IGSF11: variants seen among roughly 807,000 people sequenced by gnomAD.
IGSF11 encodes the protein immunoglobulin superfamily member 11, also known as CXADR like 1.
A neutral mutation model predicts 41.0 loss-of-function variants in IGSF11; 22 were observed. That is an observed-to-expected ratio of 0.54 (90% CI 0.38 to 0.77). The LOEUF (loss-of-function observed/expected upper bound fraction) is 0.77. Ranked by LOEUF, IGSF11 falls within the 30% of genes least tolerant of loss-of-function variation. The pLI is 0.00. For missense variants in IGSF11, 444 were observed against 530.8 expected (o/e 0.84, Z 1.61); for synonymous variants, 219 against 201.3 (o/e 1.09, Z -0.74).
chr3:118,906,061 G>A (rs1466803413), intron 4 of IGSF11, among the ~76,000 whole-genome samples: 3 of 152,166 alleles, frequency 2.0e-5, no homozygotes, highest in Non-Finnish European at 4.4e-5. Context: ...TTCTAGTTCT[G>A]AGGAACTGCA....
chr3:119,045,875 C>T (rs1054144408), intron 1 of IGSF11, among the ~76,000 whole-genome samples: 1 of 152,038 alleles, frequency 6.6e-6, no homozygotes, highest in African/African-American at 2.4e-5. Context: ...CACCCCCCAG[C>T]AGGGGCACAG....
intron 1 of IGSF11, among the ~76,000 whole-genome samples, chr3:118,969,609 A>AAAGCAAAAACTCAGGTGTGC (rs1933145303): frequency 6.6e-6 from 1 of 152,234 alleles, no homozygotes; most frequent in Non-Finnish European, 1.5e-5. Flanking sequence ...GTACTAGGGC[A>AAAGCAAAAACTCAGGTGTGC]AAGCAAAAAC....
At position 118,901,821 on chromosome 3, in the gene IGSF11, G is replaced by A. The variant is rs941404373; in HGVS notation, c.*699C>T. 1 of 151,488 alleles carries A rather than the reference G, an allele frequency of 6.6e-6. No homozygotes were observed. The highest frequency in any genetic ancestry group is 2.4e-5 in the African/African-American group (1 of 41,212). 9.4% of individuals were successfully genotyped at this position (151,488 alleles called of 1,614,324 possible). On this transcript the variant is annotated 3_prime_UTR_variant, in exon 7 of 7. Coordinates refer to ENST00000393775, the MANE Select transcript of IGSF11 (RefSeq NM_001015887.3). Reference sequence around the variant, plus strand: ...AATAAACAGTAATTGCCATGGACCTGTAACAGATCCTAGAATAACACAGAC... The same window carrying A: ...AATAAACAGTAATTGCCATGGACCTATAACAGATCCTAGAATAACACAGAC...
intron 1 of IGSF11, among the ~76,000 whole-genome samples, chr3:118,938,903 A>G (rs946499139): frequency 6.6e-6 from 1 of 152,224 alleles, no homozygotes; most frequent in Non-Finnish European, 1.5e-5. Context: ...AGTCCTGTGT[A>G]TGCACCTCAC....
At chr3:119,106,635 G>A (rs954649582), upstream of IGSF11, among the ~76,000 whole-genome samples, 3 of 151,850 alleles carry the variant, frequency 2.0e-5, no homozygotes, top group Admixed American at 6.6e-5. Context: ...TGTGCACAAC[G>A]TGCGGGTTAG....
chr3:119,138,925 C>T, intron 1 of IGSF11, among the ~76,000 whole-genome samples: 1 of 151,946 alleles, frequency 6.6e-6, no homozygotes, highest in East Asian at 1.9e-4. Context: ...AACAAAAGCA[C>T]AGAAGGAATG....
At chr3:119,118,681 A>T (rs2077292674) in intron 1 of IGSF11, among the ~76,000 whole-genome samples, 1 of 152,200 alleles carries the variant, frequency 6.6e-6, no homozygotes, top group South Asian at 2.1e-4. Context: ...CAGAAAAAAA[A>T]TGGGATTTTC....
At chr3:119,078,091 A>G (rs1278820194) in intron 1 of IGSF11, among the ~76,000 whole-genome samples, 1 of 152,196 alleles carries the variant, frequency 6.6e-6, no homozygotes, top group Admixed American at 6.5e-5. Flanking sequence ...ATGGCCATAC[A>G]GCCCAGAGCA....
In IGSF11 at chr3:119,114,942, G is replaced by A. The variant is rs527659850; in HGVS notation, c.-13-9737C>T. 1.9e-3 allele frequency among the ~76,000 whole-genome samples: 285 copies of A among 152,322 alleles called. 2 individuals are homozygous for A. Among genetic ancestry groups the A allele is most frequent in the African/African-American group, 6.3e-3 (260 of 41,570 alleles). On this transcript the variant is annotated intron_variant, in intron 1 of 7. Coordinates refer to the IGSF11 transcript ENST00000425327. ...TATAATCATGATGGAAGGCAAAGGGGAAGCAGACATGTCCTACATGGCTGG... is the reference window on the plus strand; with the variant it reads ...TATAATCATGATGGAAGGCAAAGGGAAAGCAGACATGTCCTACATGGCTGG...
At chr3:119,023,538 C>T (rs1032400192) in intron 1 of IGSF11, among the ~76,000 whole-genome samples, 2 of 151,980 alleles carry the variant, frequency 1.3e-5, no homozygotes, top group African/African-American at 4.8e-5. Flanking sequence ...TGCACATGTA[C>T]GCACCCCCCA....
chr3:119,114,115 G>T (rs745988792), intron 1 of IGSF11, among the ~76,000 whole-genome samples: 17 of 152,222 alleles, frequency 1.1e-4, no homozygotes, highest in Admixed American at 2.0e-4. Context: ...TAAGCCTCCA[G>T]GCCTGTGATG....
upstream of IGSF11, chr3:119,034,912 G>C: frequency 1.0e-6 from 1 of 985,182 alleles, no homozygotes; most frequent in South Asian, 5.0e-5. Context: ...TCCAGCCGCA[G>C]CTCGGCTCCT....
intron 1 of IGSF11, among the ~76,000 whole-genome samples, chr3:118,987,581 T>C (rs780749289): frequency 2.0e-5 from 3 of 152,112 alleles, no homozygotes; most frequent in African/African-American, 7.3e-5. Flanking sequence ...TGTTTGGAGC[T>C]CATCACTCAG....
At chr3:118,904,610 G>A (rs956164266) in intron 6 of IGSF11, 38 bp downstream of exon 6, 2 of 1,453,178 alleles carry the variant, frequency 1.4e-6, no homozygotes, top group East Asian at 2.3e-5. Context: ...GTACACAATG[G>A]CTATGCAGGA....
upstream of IGSF11, among the ~76,000 whole-genome samples, chr3:119,037,089 A>C (rs903410400): frequency 6.6e-6 from 1 of 152,232 alleles, no homozygotes; most frequent in Non-Finnish European, 1.5e-5. Context: ...TTTTAAAAAA[A>C]TTCATAGAGA....
intron 1 of IGSF11, among the ~76,000 whole-genome samples, chr3:118,958,639 T>C (rs1348669575): frequency 6.6e-6 from 1 of 152,222 alleles, no homozygotes; most frequent in Non-Finnish European, 1.5e-5. Flanking sequence ...TTATGATTGT[T>C]TCCACCACTA....
intron 4 of IGSF11, among the ~76,000 whole-genome samples, chr3:118,910,183 A>T (rs1940094657): frequency 6.6e-6 from 1 of 152,168 alleles, no homozygotes; most frequent in African/African-American, 2.4e-5. Context: ...TTTAATTCTC[A>T]AAGAATGGCA....
chr3:119,071,169 G>A (rs1301780292), intron 1 of IGSF11, among the ~76,000 whole-genome samples: 1 of 152,196 alleles, frequency 6.6e-6, no homozygotes, highest in African/African-American at 2.4e-5. Context: ...TTGAGAGGAG[G>A]ATGAAGTCCT....
At chr3:119,113,297 C>T (rs913252454) in intron 1 of IGSF11, among the ~76,000 whole-genome samples, 36 of 152,192 alleles carry the variant, frequency 2.4e-4, no homozygotes, top group African/African-American at 8.7e-4. Flanking sequence ...ACTCAGAAGT[C>T]CACAGTCCAA....
Sources: gnomAD v4.1 joint callset for allele counts (sites outside exome capture counted in the v4.1 genomes callset) on GRCh38, gnomAD v4.1.1 for gene constraint, MANE v1.5 for transcripts, NCBI Gene and HGNC (gene_info 2026-07-23, HGNC 2026-07-21) for gene names.